The following CLCA2 variants were observed in gnomAD, a reference collection of about 807,000 sequenced individuals.
CLCA2 encodes calcium-activated chloride channel regulator 2.
A neutral mutation model predicts 82.9 loss-of-function variants in CLCA2; 85 were observed. That is an observed-to-expected ratio of 1.03 (90% confidence interval 0.86 to 1.23). CLCA2 has a LOEUF of 1.23. Ranked by LOEUF, CLCA2 falls within the 50% of genes most tolerant of loss-of-function variation. CLCA2 has a pLI of 0.00. For synonymous variants in CLCA2, 421 were observed against 391.7 expected, an observed-to-expected ratio of 1.07 and a Z score of -0.88; for missense variants, 1,089 against 1,124.8, an observed-to-expected ratio of 0.97 and a Z score of 0.45.
chr1:86,451,032 T>C (rs1202446959), intron 12 of CLCA2, among the ~76,000 whole-genome samples: 1 of 152,188 alleles, frequency 6.6e-6, no homozygotes, highest in Non-Finnish European at 1.5e-5. Flanking sequence ...TACTGGGTTT[T>C]CTCAGTTCCT....
intron 2 of CLCA2, among the ~76,000 whole-genome samples, chr1:86,425,809 A>G (rs946175679): frequency 1.3e-5 from 2 of 152,202 alleles, no homozygotes; most frequent in Non-Finnish European, 2.9e-5. Context: ...GAACAGTTCC[A>G]ATTATGACTA....
chr1:86,444,916 A>T (rs371056174), intron 10 of CLCA2, among the ~76,000 whole-genome samples: 1 of 80,006 alleles, frequency 1.2e-5, no homozygotes, highest in Admixed American at 1.4e-4. Flanking sequence ...GTTGTTGTTG[A>T]GATGGAGTCT....
At position 86,432,373 on chromosome 1, in the gene CLCA2, T is replaced by TGACATCTGA; in HGVS notation, c.589_590insGACATCTGA (p.Ser197delinsTer). On this transcript the variant is annotated stop_gained, in exon 5 of 14. Transcript: ENST00000370565. LOFTEE classifies it high-confidence loss of function. ...AGTTTCTCTTTCCATTTTTAGGTGT[T>TGACATCTGA]CATCTGACATCACAGGCATTTTTGT... 6.2e-7 allele frequency: 1 copy of TGACATCTGA among 1,613,514 alleles called. No individual in the cohort carries two copies. The highest frequency in any genetic ancestry group is 8.5e-7 in the Non-Finnish European group (1 of 1,179,884).
In CLCA2 at chr1:86,432,419, C is replaced by T. The variant is rs527413742; in HGVS notation, c.635C>T (p.Pro212Leu). 11 of 1,613,800 alleles carry T rather than the reference C, an allele frequency of 6.8e-6. No individual in the cohort carries two copies. Among genetic ancestry groups the T allele is most frequent in the Admixed American group, 5.0e-5 (3 of 59,972 alleles). ...GIFVCEKGPC[P>L]QENCIISKLF... Reference sequence around the variant, plus strand: ...TTTGTGTGTGAAAAAGGTCCTTGCCCCCAAGAAAACTGTATTATTAGTAAG... The same window carrying T: ...TTTGTGTGTGAAAAAGGTCCTTGCCTCCAAGAAAACTGTATTATTAGTAAG... The change falls in exon 5 of 14, where the codon CCC becomes CTC. Residue 212 changes from proline to leucine, a missense_variant. By Grantham distance (98) the Pro-to-Leu change is moderately conservative. Transcript: ENST00000370565.
At chr1:86,429,158 A>G (rs1295453199) in intron 3 of CLCA2, among the ~76,000 whole-genome samples, 4 of 152,206 alleles carry the variant, frequency 2.6e-5, no homozygotes, top group African/African-American at 7.2e-5. Flanking sequence ...ACTGGATATC[A>G]GGAGAATAAC....
At position 86,447,719 on chromosome 1, in the gene CLCA2, C is replaced by T; in HGVS notation, c.1925C>T (p.Ala642Val). Residue 642 changes from alanine (A) to valine (V), a missense_variant, in exon 11 of 14, where the codon GCC becomes GTC. Physicochemically the swap from Ala to Val is moderately conservative, Grantham distance 64. Transcript: ENST00000370565. Reference protein sequence around the residue: ...FYPILNATVTATVEPETGDPV... With the variant: ...FYPILNATVTVTVEPETGDPV... ...CCCATTCTTAATGCCACTGTCACTG[C>T]CACAGTTGAGCCAGAGACTGGAGAT... The T allele has an allele frequency of 2.5e-6, 4 of 1,613,986 alleles. No homozygotes were observed. Among genetic ancestry groups the T allele is most frequent in the Non-Finnish European group, 3.4e-6 (4 of 1,179,962 alleles).
intron 9 of CLCA2, among the ~76,000 whole-genome samples, chr1:86,442,685 G>A (rs12086619): frequency 0.093 from 14,202 of 152,238 alleles, 741 homozygotes; most frequent in Middle Eastern, 0.16. Flanking sequence ...AGCAATTAAC[G>A]AAGCATTACT....
At chr1:86,449,242 A>G (rs36096788) in intron 11 of CLCA2, among the ~76,000 whole-genome samples, 9,904 of 152,318 alleles carry the variant, frequency 0.065, 373 homozygotes, top group South Asian at 0.1. Flanking sequence ...ATACTCTCAA[A>G]TAATCATCAC....
In CLCA2 at chr1:86,439,065, A is replaced by G. The variant is rs1662672689; in HGVS notation, c.1162A>G (p.Thr388Ala). ...SYLPTTVSAK[T>A]DISICSGLKK... ...TCTGCCCACCACTGTATCAGCTAAA[A>G]CAGACATCAGCATTTGTTCAGGGCT... is the stretch of plus-strand genomic sequence containing the variant. The change falls in exon 7 of 14, where the codon ACA becomes GCA. Residue 388 changes from threonine (T) to alanine (A), a missense_variant. Coordinates refer to ENST00000370565, the MANE Select transcript of CLCA2 (RefSeq NM_006536.7). 1.9e-6 allele frequency: 3 copies of G among 1,614,122 alleles called. No homozygotes were observed. The East Asian group carries it at 6.7e-5, about 36-fold the overall frequency.
At position 86,424,334 on chromosome 1, in the gene CLCA2, G is replaced by A. The variant is rs754469822; in HGVS notation, c.87G>A (p.Leu29=). 1.2e-6 allele frequency: 2 copies of A among 1,613,898 alleles called. No individual in the cohort carries two copies. The highest frequency in any genetic ancestry group is 1.7e-6 in the Non-Finnish European group (2 of 1,179,886). ...LVALSSELPF[L]GAGVQLQDNG... is the part of the protein sequence containing the mutation. The stretch of plus-strand genomic sequence containing the variant: ...CCTTAAGTTCAGAACTCCCATTCCT[G>A]GGAGCTGGAGTACAGCTTCAAGACA... The change falls in exon 1 of 14, where the codon CTG becomes CTA. Residue 29 remains leucine, a synonymous_variant. Coordinates refer to ENST00000370565, the MANE Select transcript of CLCA2 (RefSeq NM_006536.7).
intron 10 of CLCA2, among the ~76,000 whole-genome samples, chr1:86,446,134 C>T (rs1039171275): frequency 6.6e-6 from 1 of 151,960 alleles, no homozygotes; most frequent in Admixed American, 6.6e-5. Context: ...TCCAACAGAC[C>T]AGCTGCATTC....
chr1:86,443,366 C>T (rs1272654033), intron 9 of CLCA2, among the ~76,000 whole-genome samples: 3 of 152,078 alleles, frequency 2.0e-5, no homozygotes, highest in Non-Finnish European at 4.4e-5. Context: ...ATGCCAAAAC[C>T]CAAGATTTTA....
chr1:86,441,653 T>A, intron 9 of CLCA2, 110 bp downstream of exon 9: 1 of 699,200 alleles, frequency 1.4e-6, no homozygotes, highest in Non-Finnish European at 2.4e-6. Context: ...CTTGAATATG[T>A]AACAGCTGTG....
chr1:86,446,803 G>A (rs969751263), intron 10 of CLCA2, among the ~76,000 whole-genome samples: 1 of 152,180 alleles, frequency 6.6e-6, no homozygotes, highest in Non-Finnish European at 1.5e-5. Context: ...TCAAAAGGAC[G>A]AATTTCTGCT....
intron 12 of CLCA2, among the ~76,000 whole-genome samples, chr1:86,452,185 T>A (rs1662984768): frequency 6.8e-6 from 1 of 146,674 alleles, no homozygotes; most frequent in African/African-American, 2.5e-5. Context: ...GCTTTTTTTT[T>A]TTTTTTTTTT....
chr1:86,441,386 T>C, intron 8 of CLCA2, 51 bp from the exon 9 acceptor site: 1 of 1,062,636 alleles, frequency 9.4e-7, no homozygotes, highest in Non-Finnish European at 1.4e-6. Context: ...CATTTTATTT[T>C]TGTTTTATTT....
chr1:86,455,514 C>A lies in CLCA2; in HGVS notation c.2819C>A (p.Thr940Lys), dbSNP rs1169337751. The A allele has an allele frequency of 1.4e-6, 2 of 1,475,308 alleles. No individual in the cohort carries two copies. The highest frequency in any genetic ancestry group is 1.8e-6 in the Non-Finnish European group (2 of 1,113,448). The allele number at this position is 1,475,308 out of a possible 1,614,324, so 91.4% of individuals were successfully genotyped here. A position where few individuals can be genotyped will look rare whatever the true frequency, so the allele number is the denominator to read the frequency against. ...KKRADKKENGTKLL is the reference protein window; with the variant it reads ...KKRADKKENGKKLL ...AGAGCAGACAAGAAAGAGAATGGAA[C>A]AAAATTATTATAAATAAATATCCAA... The change falls in exon 14 of 14, where the codon ACA becomes AAA. Residue 940 changes from threonine to lysine, a missense_variant. Coordinates refer to ENST00000370565, the MANE Select transcript of CLCA2 (RefSeq NM_006536.7).
At chr1:86,442,286 A>G (rs1662751539) in intron 9 of CLCA2, among the ~76,000 whole-genome samples, 1 of 152,234 alleles carries the variant, frequency 6.6e-6, no homozygotes, top group Admixed American at 6.5e-5. Flanking sequence ...TGAATTATAT[A>G]TGACAATATC....
Position 86,447,465 on chromosome 1 carries a change from T to A in CLCA2, c.1714-43T>A, listed in dbSNP as rs1662874652. On this transcript the variant is annotated intron_variant, in intron 10 of 13. Transcript: ENST00000370565. ...ATGTATGCTTTAAAATTAGGGTTGA[T>A]TTTTTTTTCACACTTTCCAAAACAA... The A allele has an allele frequency of 3.2e-6, 5 of 1,557,316 alleles. No homozygotes were observed. In the South Asian group the frequency reaches 3.6e-5, roughly 11 times the overall value.
Sources: gnomAD v4.1 joint callset for allele counts (sites outside exome capture counted in the v4.1 genomes callset) on GRCh38, gnomAD v4.1.1 for gene constraint, MANE v1.5 for transcripts, NCBI Gene and HGNC (gene_info 2026-07-23, HGNC 2026-07-21) for gene names.